The following FILIP1L variants were observed in gnomAD, a reference collection of about 807,000 sequenced individuals.
The protein encoded by FILIP1L is filamin A interacting protein 1 like.
FILIP1L carries 55 observed loss-of-function variants against 96.6 expected under a neutral mutation model. The observed-to-expected ratio is 0.57, with a 90% CI of 0.46 to 0.71. The LOEUF is 0.71. Ranked by LOEUF, FILIP1L falls within the 30% of genes least tolerant of loss-of-function variation. FILIP1L has a pLI of 0.00. For missense variants in FILIP1L, 1,304 were observed against 1,321.2 expected (o/e 0.99, Z 0.20); for synonymous variants, 467 against 473.9 (o/e 0.99, Z 0.19).
chr3:100,021,900 G>A (rs931167687), intron 1 of FILIP1L, among the ~76,000 whole-genome samples: 1 of 144,126 alleles, frequency 6.9e-6, no homozygotes, highest in Non-Finnish European at 1.5e-5. Context: ...AGAATAGCTT[G>A]GATGCTAGAT....
chr3:100,037,958 G>GC lies in FILIP1L; in HGVS notation c.-11+76094_-11+76095insG, dbSNP rs1559735195. 2.1e-3 allele frequency among the ~76,000 whole-genome samples: 21 copies of GC among 10,068 alleles called. No homozygotes were observed. The East Asian group carries it at 0.12, about 55-fold the overall frequency. The allele number at this position is 10,068 out of a possible 152,430, so 6.6% of individuals were successfully genotyped here. A position where few individuals can be genotyped will look rare whatever the true frequency, so the allele number is the denominator to read the frequency against. On this transcript the variant is annotated intron_variant, in intron 1 of 5. Coordinates refer to ENST00000477258, the MANE Select transcript of FILIP1L (RefSeq NM_001387850.1). ...GCTTTTCTTTTTTTTTTTTTTTTTG[G>GC]GGGGGGAGGGAACAGAGTCTCAAAT...
chr3:99,880,207 CT>C (rs1263383354), intron 4 of FILIP1L, among the ~76,000 whole-genome samples: 1 of 152,148 alleles, frequency 6.6e-6, no homozygotes, highest in Non-Finnish European at 1.5e-5. Flanking sequence ...AATCATTTTT[CT>C]AATCAACCTC....
chr3:99,869,904 C>G (rs1350147095), intron 4 of FILIP1L, among the ~76,000 whole-genome samples: 1 of 152,208 alleles, frequency 6.6e-6, no homozygotes, highest in Non-Finnish European at 1.5e-5. Flanking sequence ...AGAGGACTGA[C>G]CTCAGCCTTG....
chr3:99,842,698 C>A (rs900630750), intron 5 of FILIP1L, among the ~76,000 whole-genome samples: 2 of 152,146 alleles, frequency 1.3e-5, no homozygotes, highest in African/African-American at 4.8e-5. Context: ...AATGATGCCA[C>A]AAATAAAAGT....
At chr3:99,957,693 C>CTTTTTTTTTTTTTTTTTTTTTTTTTTTT (rs779350496) in intron 1 of FILIP1L, among the ~76,000 whole-genome samples, 356 of 19,904 alleles carry the variant, frequency 0.018, 128 homozygotes, top group Non-Finnish European at 0.025. Flanking sequence ...TTCTTTCTTT[C>CTTTTTTTTTTTTTTTTTTTTTTTTTTTT]TTTTTTTTTT....
At chr3:99,910,064 C>T (rs1234302533) in intron 4 of FILIP1L, among the ~76,000 whole-genome samples, 1 of 135,160 alleles carries the variant, frequency 7.4e-6, no homozygotes, top group Non-Finnish European at 1.7e-5. Flanking sequence ...GTCAGCTCAC[C>T]CTCATTGCAC....
Position 99,893,618 on chromosome 3 carries a change from G to A in FILIP1L, c.605+30612C>T, listed in dbSNP as rs368386706. On this transcript the variant is annotated intron_variant, in intron 4 of 5. Transcript: ENST00000477258. ...TTTTTACTATCATGTAGGTATCTAA[G>A]AATTACATCATTTGTTTGACAAAAG... is the stretch of plus-strand genomic sequence containing the variant. Among the ~76,000 whole-genome samples, 1,212 of 152,206 alleles carry A rather than the reference G, an allele frequency of 8.0e-3. 9 individuals carry two copies. The highest frequency in any genetic ancestry group is 0.014 in the Admixed American group (209 of 15,292).
intron 1 of FILIP1L, among the ~76,000 whole-genome samples, chr3:100,052,432 G>T (rs1356643896): frequency 2.6e-5 from 4 of 152,196 alleles, no homozygotes; most frequent in African/African-American, 9.7e-5. Flanking sequence ...GTGTATCCGT[G>T]TGCATGTCCT....
intron 1 of FILIP1L, among the ~76,000 whole-genome samples, chr3:100,087,528 A>G (rs889036402): frequency 3.9e-5 from 6 of 152,104 alleles, no homozygotes; most frequent in East Asian, 1.9e-4. Flanking sequence ...TCATCCAAGT[A>G]TAGTCTTTAG....
intron 4 of FILIP1L, among the ~76,000 whole-genome samples, chr3:99,880,296 A>T (rs979046176): frequency 1.3e-5 from 2 of 152,194 alleles, no homozygotes; most frequent in Non-Finnish European, 2.9e-5. Context: ...AGATACCCAC[A>T]TGAAATATAC....
chr3:99,953,110 ATACT>A (rs1390819987), intron 1 of FILIP1L, among the ~76,000 whole-genome samples: 3 of 152,194 alleles, frequency 2.0e-5, no homozygotes, highest in African/African-American at 7.2e-5. Context: ...ACTTAGCTGC[ATACT>A]TAAAGGTCAA....
chr3:99,849,332 T>G lies in FILIP1L; in HGVS notation c.2344A>C (p.Arg782=). 1 of 1,614,082 alleles carries G rather than the reference T, an allele frequency of 6.2e-7. No homozygotes were observed. The highest frequency in any genetic ancestry group is 2.2e-5 in the East Asian group (1 of 44,882). The change falls in exon 5 of 6, where the codon AGG becomes CGG. Residue 782 remains arginine, a synonymous_variant. Transcript: ENST00000477258. ...ERYRHFSKSL[R]PSLNGRRISD... ...ATTCTTCTTCCATTGAGACTAGGCCTGAGGCTCTTACTGAAATGCCGGTAC... is the reference window on the plus strand; with the variant it reads ...ATTCTTCTTCCATTGAGACTAGGCCGGAGGCTCTTACTGAAATGCCGGTAC...
At chr3:99,941,111 G>C (rs751143869) in intron 1 of FILIP1L, among the ~76,000 whole-genome samples, 2 of 152,142 alleles carry the variant, frequency 1.3e-5, no homozygotes, top group African/African-American at 4.8e-5. Context: ...TCTCTTTTTA[G>C]GGGAAGAGAG....
chr3:99,987,423 G>A (rs1488071138), intron 1 of FILIP1L, among the ~76,000 whole-genome samples: 9 of 151,040 alleles, frequency 6.0e-5, no homozygotes, highest in Admixed American at 5.9e-4. Flanking sequence ...CAGCTACTCG[G>A]GAGGCTGAGA....
Position 99,930,778 on chromosome 3 carries a change from T to C in FILIP1L, c.243A>G (p.Gly81=). ...DLLFLLSILE[G]ELQARDEVIG... ...CTCCAACCCAGCTGACCTGCAGTTCTCCCTCCAGAATGCTGAGGAGAAATA... is the reference window on the plus strand; with the variant it reads ...CTCCAACCCAGCTGACCTGCAGTTCCCCCTCCAGAATGCTGAGGAGAAATA... Residue 81 remains glycine (G), a synonymous_variant, in exon 2 of 6, where the codon GGA becomes GGG. Transcript: ENST00000477258. 6.2e-7 allele frequency: 1 copy of C among 1,613,284 alleles called. No homozygotes were observed. The highest frequency in any genetic ancestry group is 8.5e-7 in the Non-Finnish European group (1 of 1,179,774).
intron 1 of FILIP1L, among the ~76,000 whole-genome samples, chr3:99,939,697 T>G (rs1319710806): frequency 1.3e-5 from 2 of 152,328 alleles, no homozygotes; most frequent in East Asian, 1.9e-4. Context: ...TAATGAAAAC[T>G]TCTTCCAGTT....
chr3:100,088,775 C>A (rs372865762), intron 1 of FILIP1L, among the ~76,000 whole-genome samples: 1 of 152,104 alleles, frequency 6.6e-6, no homozygotes, highest in East Asian at 1.9e-4. Context: ...TGTCTCTCTT[C>A]TCTATCTGCC....
intron 4 of FILIP1L, among the ~76,000 whole-genome samples, chr3:99,891,838 C>T (rs140459818): frequency 1.9e-4 from 29 of 152,166 alleles, no homozygotes; most frequent in African/African-American, 7.0e-4. Context: ...ACATTGTGTC[C>T]AAGATAAGGT....
intron 1 of FILIP1L, among the ~76,000 whole-genome samples, chr3:100,062,599 G>A (rs190061047): frequency 2.0e-5 from 3 of 152,246 alleles, no homozygotes; most frequent in Non-Finnish European, 2.9e-5. Flanking sequence ...ATATGCATGG[G>A]CAATTAGAGC....
Sources: allele counts gnomAD v4.1 joint callset (sites outside exome capture counted in the v4.1 genomes callset), GRCh38; gene constraint gnomAD v4.1.1; transcripts MANE v1.5; gene names NCBI Gene and HGNC (gene_info 2026-07-23, HGNC 2026-07-21).